The following LRIG1 variants were observed in gnomAD, a reference collection of about 807,000 sequenced individuals.
LRIG1 encodes leucine-rich repeats and immunoglobulin-like domains protein 1.
In LRIG1, 48 loss-of-function variants were observed where a neutral mutation model predicts 99.2. That is an observed-to-expected ratio of 0.48 (90% CI 0.38 to 0.62). The LOEUF is 0.62. Among genes scored for constraint, LRIG1 ranks in the 20% least tolerant of loss-of-function variants. LRIG1 has a pLI of 0.00. For missense variants in LRIG1, 1,646 were observed against 1,434.4 expected, an observed-to-expected ratio of 1.15 and a Z score of -2.38; for synonymous variants, 772 against 596.1, an observed-to-expected ratio of 1.29 and a Z score of -4.30.
intron 17 of LRIG1, 54 bp from the exon 18 acceptor site, chr3:66,380,915 C>T: frequency 6.3e-7 from 1 of 1,577,148 alleles, no homozygotes; most frequent in Non-Finnish European, 8.7e-7. Flanking sequence ...AGTCTTCGTC[C>T]CCACACAGAG....
intron 3 of LRIG1, among the ~76,000 whole-genome samples, chr3:66,418,605 T>A (rs888497428): frequency 1.6e-4 from 24 of 152,328 alleles, no homozygotes; most frequent in African/African-American, 5.8e-4. Context: ...GCCTCTAGGT[T>A]GCAGGCACTG....
chr3:66,467,961 G>T (rs1251293572), intron 1 of LRIG1, among the ~76,000 whole-genome samples: 1 of 152,174 alleles, frequency 6.6e-6, no homozygotes, highest in East Asian at 1.9e-4. Context: ...CAAGTCCTTT[G>T]AGCACACAAA....
chr3:66,388,293 G>A (rs75136136), intron 12 of LRIG1, among the ~76,000 whole-genome samples: 2 of 152,018 alleles, frequency 1.3e-5, no homozygotes, highest in East Asian at 3.9e-4. Context: ...GGGAACTTGA[G>A]ACAGTCAACT....
chr3:66,417,802 A>G (rs998165718), intron 3 of LRIG1, among the ~76,000 whole-genome samples: 1 of 152,206 alleles, frequency 6.6e-6, no homozygotes, highest in Admixed American at 6.5e-5. Flanking sequence ...AAAAGAAAAA[A>G]AAAAAAAGAT....
chr3:66,484,053 C>T (rs1325325128), intron 1 of LRIG1, among the ~76,000 whole-genome samples: 1 of 152,244 alleles, frequency 6.6e-6, no homozygotes, highest in East Asian at 1.9e-4. Flanking sequence ...ATCTTTTCAA[C>T]TTCGGTTCTA....
rs1701182551 is a variant in LRIG1, at chr3:66,383,175, G to C, written c.2298C>G (p.Ser766=). 1 of 1,614,120 alleles carries C rather than the reference G, an allele frequency of 6.2e-7. No individual in the cohort carries two copies. Among genetic ancestry groups the C allele is most frequent in the Non-Finnish European group, 8.5e-7 (1 of 1,180,060 alleles). ...EDAGRYTCEM[S]NTLGTERAHS... is the part of the protein sequence containing the mutation. ...GAGCTCGCTCCGTGCCCAGGGTGTT[G>C]GACATCTCACAGGTATATCGGCCCG... The change falls in exon 15 of 19, where the codon TCC becomes TCG. Residue 766 remains serine (S), a synonymous_variant. Transcript: ENST00000273261.
chr3:66,427,628 T>G (rs906946989), intron 3 of LRIG1, among the ~76,000 whole-genome samples: 4 of 152,180 alleles, frequency 2.6e-5, no homozygotes, highest in Admixed American at 6.5e-5. Flanking sequence ...AGTGAGACCC[T>G]CATCTCTTAA....
At chr3:66,447,654 T>TAA (rs1386931440) in intron 3 of LRIG1, among the ~76,000 whole-genome samples, 4 of 152,172 alleles carry the variant, frequency 2.6e-5, no homozygotes, top group Non-Finnish European at 5.9e-5. Context: ...ACCCTATGGG[T>TAA]AATATGCTAC....
At position 66,384,892 on chromosome 3, in the gene LRIG1, C is replaced by T. The variant is rs556823357; in HGVS notation, c.1790-620G>A. ...CAGGCACCACCAGAGTTCCTGTCAA[C>T]GTCAATTTTGGGGAGAGTCTAACAA... is the stretch of plus-strand genomic sequence containing the variant. On this transcript the variant is annotated intron_variant, in intron 13 of 18. Coordinates refer to ENST00000273261, the MANE Select transcript of LRIG1 (RefSeq NM_015541.3). Among the ~76,000 whole-genome samples, 10 of 152,126 alleles carry T rather than the reference C, an allele frequency of 6.6e-5. No individual in the cohort carries two copies. In the East Asian group the frequency reaches 7.7e-4, roughly 12 times the overall value.
intron 1 of LRIG1, among the ~76,000 whole-genome samples, chr3:66,477,451 G>A (rs928934884): frequency 2.6e-4 from 40 of 152,168 alleles, no homozygotes; most frequent in African/African-American, 9.4e-4. Context: ...AAACATTGCT[G>A]TAATCATGCT....
intron 9 of LRIG1, chr3:66,404,258 G>A (rs1018423435): frequency 1.2e-5 from 15 of 1,289,290 alleles, no homozygotes; most frequent in Non-Finnish European, 1.4e-5. Context: ...CTATCATCGA[G>A]CTCCACTAGG....
In LRIG1 at chr3:66,417,147, C is replaced by A. The variant is rs1230587389; in HGVS notation, c.485G>T (p.Gly162Val). 1.2e-6 allele frequency: 2 copies of A among 1,614,052 alleles called. No homozygotes were observed. Among genetic ancestry groups the A allele is most frequent in the Non-Finnish European group, 1.7e-6 (2 of 1,180,022 alleles). Residue 162 changes from glycine to valine, a missense_variant, in exon 4 of 19, where the codon GGA (glycine) becomes GTA (valine). Physicochemically the swap from Gly to Val is moderately radical, Grantham distance 109. Transcript: ENST00000273261. ...CACTTACAGCTCCTTTATAGGCGGT[C>A]CGTGTGGAAAGCAGGTGTTCCGCAC... ...TEVRNTCFPHGPPIKELNLAG... is the reference protein window; with the variant it reads ...TEVRNTCFPHVPPIKELNLAG...
chr3:66,448,588 G>A (rs1184624050), intron 3 of LRIG1, among the ~76,000 whole-genome samples: 2 of 152,166 alleles, frequency 1.3e-5, no homozygotes, highest in African/African-American at 4.8e-5. Flanking sequence ...GAGAAAAAAA[G>A]TAACGTATGT....
chr3:66,447,682 C>T (rs1703771782), intron 3 of LRIG1, among the ~76,000 whole-genome samples: 1 of 152,156 alleles, frequency 6.6e-6, no homozygotes, highest in African/African-American at 2.4e-5. Flanking sequence ...GCACAGGAGA[C>T]AAAAGCTAAG....
intron 1 of LRIG1, among the ~76,000 whole-genome samples, chr3:66,471,602 G>A (rs1263057781): frequency 2.0e-5 from 3 of 152,180 alleles, no homozygotes; most frequent in Non-Finnish European, 2.9e-5. Context: ...GATGAAGGGC[G>A]GCCAGAGGTA....
intron 12 of LRIG1, among the ~76,000 whole-genome samples, chr3:66,391,733 T>G (rs1369196089): frequency 6.6e-6 from 1 of 152,206 alleles, no homozygotes; most frequent in East Asian, 1.9e-4. Context: ...AACCATCAAT[T>G]TATATATTTT....
At position 66,380,460 on chromosome 3, in the gene LRIG1, A is replaced by G; in HGVS notation, c.3085T>C (p.Tyr1029His). The change falls in exon 19 of 19, where the codon TAT becomes CAT. Residue 1029 changes from tyrosine to histidine, a missense_variant. By Grantham distance (83) the Tyr-to-His change is moderately conservative. Coordinates refer to ENST00000273261, the MANE Select transcript of LRIG1 (RefSeq NM_015541.3). The stretch of plus-strand genomic sequence containing the variant: ...TGTAGCTCTGTGGAGTCCGGGTGAT[A>G]CAACCTTGCTAAAGTCCAGGAAGAA... ...GDSSWTLARLYHPDSTELQPA... is the reference protein window; with the variant it reads ...GDSSWTLARLHHPDSTELQPA... 6.2e-7 allele frequency: 1 copy of G among 1,614,168 alleles called. No individual in the cohort carries two copies. The highest frequency in any genetic ancestry group is 8.5e-7 in the Non-Finnish European group (1 of 1,180,036).
chr3:66,468,914 T>A (rs1002771053), intron 1 of LRIG1: 4 of 152,204 alleles, frequency 2.6e-5, no homozygotes, highest in African/African-American at 9.7e-5. Context: ...CCACATTATG[T>A]TCCCATGTTG....
chr3:66,410,852 TAC>T (rs1235792706), intron 6 of LRIG1, among the ~76,000 whole-genome samples: 1 of 152,222 alleles, frequency 6.6e-6, no homozygotes, highest in Non-Finnish European at 1.5e-5. Context: ...TCTAAGACTT[TAC>T]ACAGCTTAGC....
Sources: allele counts gnomAD v4.1 joint callset (sites outside exome capture counted in the v4.1 genomes callset), GRCh38; gene constraint gnomAD v4.1.1; transcripts MANE v1.5; gene names NCBI Gene and HGNC (gene_info 2026-07-23, HGNC 2026-07-21).